The following SMC5 variants were observed in gnomAD, a reference collection of about 807,000 sequenced individuals.
SMC5 encodes structural maintenance of chromosomes 5.
SMC5 carries 88 observed loss-of-function variants against 148.3 expected under a neutral mutation model. The ratio of observed to expected loss-of-function variants is 0.59; its 90% CI spans 0.50 to 0.71. The LOEUF (loss-of-function observed/expected upper bound fraction) is 0.71, where lower values mean the gene tolerates loss of function less well. Ranked by LOEUF, SMC5 falls within the 30% of genes least tolerant of loss-of-function variation. The pLI, the probability that SMC5 is intolerant of heterozygous loss-of-function variation, is 0.00. For synonymous variants in SMC5, 421 were observed against 432.8 expected, an observed-to-expected ratio of 0.97 and a Z score of 0.34; for missense variants, 1,142 against 1,298.9, an observed-to-expected ratio of 0.88 and a Z score of 1.86.
intron 18 of SMC5, among the ~76,000 whole-genome samples, chr9:70,346,020 A>T (rs1348520254): frequency 6.6e-6 from 1 of 152,118 alleles, no homozygotes; most frequent in African/African-American, 2.4e-5. Context: ...GAACCCCTAA[A>T]TTTTTCACCT....
rs1440298345 is a variant in SMC5, at chr9:70,300,585, G to A, written c.1464+385G>A. 5.3e-5 allele frequency among the ~76,000 whole-genome samples: 8 copies of A among 152,110 alleles called. 1 individual carries two copies. The highest frequency in any genetic ancestry group is 1.7e-4 in the African/African-American group (7 of 41,506). ...TTAAAGGAAAAAAACTAAGAGAATAGGCAAGAAAATCACCTGCTACAAAGA... is the reference window on the plus strand; with the variant it reads ...TTAAAGGAAAAAAACTAAGAGAATAAGCAAGAAAATCACCTGCTACAAAGA... On this transcript the variant is annotated intron_variant, in intron 10 of 24. Coordinates refer to ENST00000361138, the MANE Select transcript of SMC5 (RefSeq NM_015110.4).
chr9:70,286,156 T>C (rs778878241), intron 7 of SMC5, 44 bp from the exon 8 acceptor site: 1 of 1,338,952 alleles, frequency 7.5e-7, no homozygotes, highest in East Asian at 2.3e-5. Context: ...CTTGCATGAG[T>C]TTTTAACTAG....
chr9:70,323,080 T>C (rs1372291741), intron 15 of SMC5, among the ~76,000 whole-genome samples: 2 of 152,174 alleles, frequency 1.3e-5, no homozygotes, highest in Admixed American at 6.5e-5. Context: ...GGCAACATGG[T>C]GTAGTGGAAA....
intron 17 of SMC5, among the ~76,000 whole-genome samples, chr9:70,343,214 G>A (rs2036570841): frequency 6.6e-6 from 1 of 151,810 alleles, no homozygotes; most frequent in Non-Finnish European, 1.5e-5. Flanking sequence ...GAAATAAAGG[G>A]AATAATGTAT....
At position 70,350,109 on chromosome 9, in the gene SMC5, T is replaced by C; in HGVS notation, c.2890-5T>C. 1 of 1,584,310 alleles carries C rather than the reference T, an allele frequency of 6.3e-7. No homozygotes were observed. Among genetic ancestry groups the C allele is most frequent in the Non-Finnish European group, 8.6e-7 (1 of 1,162,666 alleles). On this transcript the variant is annotated splice_polypyrimidine_tract_variant and splice_region_variant and intron_variant, in intron 22 of 24. Coordinates refer to ENST00000361138, the MANE Select transcript of SMC5 (RefSeq NM_015110.4). ...ATTTTTCATCACTTTTTAAATGTTTTATAGGAAGATTATGATAAATATGGA... is the reference window on the plus strand; with the variant it reads ...ATTTTTCATCACTTTTTAAATGTTTCATAGGAAGATTATGATAAATATGGA...
intron 14 of SMC5, 30 bp from the exon 15 acceptor site, chr9:70,318,764 A>C: frequency 1.9e-6 from 3 of 1,549,764 alleles, no homozygotes; most frequent in Non-Finnish European, 2.6e-6. Context: ...AGTTTTTTAA[A>C]TATGTTAACA....
chr9:70,351,907 C>A (rs1311490281), intron 24 of SMC5, among the ~76,000 whole-genome samples: 1 of 152,052 alleles, frequency 6.6e-6, no homozygotes, highest in Non-Finnish European at 1.5e-5. Context: ...GAAACCCTGT[C>A]TGTACTAAAA....
chr9:70,330,145 A>T (rs564436406), intron 17 of SMC5, among the ~76,000 whole-genome samples: 11 of 152,284 alleles, frequency 7.2e-5, no homozygotes, highest in African/African-American at 1.4e-4. Context: ...TAGTCTTATT[A>T]AAAAAATCAA....
At position 70,353,152 on chromosome 9, in the gene SMC5, TTTA is replaced by T. The variant is rs1415793859; in HGVS notation, c.*823_*825del. ...TTACATCTTACATTTCTAAAAGCAT[TTTA>T]TAATTATTTTTAGTAAGATTTTTCT... On this transcript the variant is annotated 3_prime_UTR_variant, in exon 25 of 25. Transcript: ENST00000361138. 1.3e-5 allele frequency: 2 copies of T among 152,098 alleles called. No individual in the cohort carries two copies. The highest frequency in any genetic ancestry group is 2.9e-5 in the Non-Finnish European group (2 of 67,990). 9.4% of individuals were successfully genotyped at this position (152,098 alleles called of 1,614,324 possible).
At chr9:70,327,197 G>T (rs560681215) in intron 17 of SMC5, among the ~76,000 whole-genome samples, 8 of 152,110 alleles carry the variant, frequency 5.3e-5, no homozygotes, top group Admixed American at 2.6e-4. Flanking sequence ...GCTGATTTCA[G>T]GTCCAGGAGA....
At position 70,264,353 on chromosome 9, in the gene SMC5, G is replaced by T; in HGVS notation, c.235G>T (p.Val79Phe). Residue 79 changes from valine to phenylalanine, a missense_variant, in exon 2 of 25, where the codon GTT becomes TTT. Val to Phe is a conservative substitution (Grantham distance 50). Coordinates refer to ENST00000361138, the MANE Select transcript of SMC5 (RefSeq NM_015110.4). The stretch of plus-strand genomic sequence containing the variant: ...TCCTGGACCCCACTTGAATATGATC[G>T]TTGGAGCCAATGGAACAGGGAAGTC... ...VSPGPHLNMIVGANGTGKSSI... is the reference protein window; with the variant it reads ...VSPGPHLNMIFGANGTGKSSI... 1 of 1,613,922 alleles carries T rather than the reference G, an allele frequency of 6.2e-7. No homozygotes were observed. Among genetic ancestry groups the T allele is most frequent in the Non-Finnish European group, 8.5e-7 (1 of 1,179,878 alleles).
chr9:70,270,020 C>T (rs1401880441), intron 3 of SMC5, among the ~76,000 whole-genome samples: 2 of 152,170 alleles, frequency 1.3e-5, no homozygotes, highest in Non-Finnish European at 2.9e-5. Flanking sequence ...TCCCCACACC[C>T]TGCAATTCAG....
chr9:70,334,649 A>ACAC (rs1286426673), intron 17 of SMC5, among the ~76,000 whole-genome samples: 4 of 151,990 alleles, frequency 2.6e-5, no homozygotes, highest in Non-Finnish European at 5.9e-5. Flanking sequence ...GTGTGTGTAT[A>ACAC]ATGTGACAGA....
chr9:70,318,983 G>A lies in SMC5; in HGVS notation c.2150+20G>A, dbSNP rs146029239. 4 of 1,584,774 alleles carry A rather than the reference G, an allele frequency of 2.5e-6. No individual in the cohort carries two copies. Among genetic ancestry groups the A allele is most frequent in the Admixed American group, 1.8e-5 (1 of 54,200 alleles). The stretch of plus-strand genomic sequence containing the variant: ...AGGAAGGTATCTTTTAGCCTATTCA[G>A]GGGGGAGAGCACAAATTACTGTATG... On this transcript the variant is annotated intron_variant, in intron 15 of 24. Transcript: ENST00000361138.
chr9:70,338,839 ACT>A (rs900715710), intron 17 of SMC5, among the ~76,000 whole-genome samples: 7 of 151,560 alleles, frequency 4.6e-5, no homozygotes, highest in Admixed American at 3.9e-4. Flanking sequence ...ATTTTACACC[ACT>A]CTGTTTTTCT....
At chr9:70,299,694 C>G (rs1564041619) in intron 9 of SMC5, among the ~76,000 whole-genome samples, 1 of 149,724 alleles carries the variant, frequency 6.7e-6, no homozygotes, top group African/African-American at 2.5e-5. Context: ...ATATACAATT[C>G]TAGAATGAAA....
chr9:70,344,557 CA>C (rs2036615885), intron 18 of SMC5: 1 of 157,844 alleles, frequency 6.3e-6, no homozygotes, highest in Admixed American at 6.5e-5. Flanking sequence ...ATTGGTATAT[CA>C]GAAATAATAA....
chr9:70,267,447 G>C (rs1197645347), intron 2 of SMC5, among the ~76,000 whole-genome samples: 1 of 152,056 alleles, frequency 6.6e-6, no homozygotes, highest in Non-Finnish European at 1.5e-5. Context: ...TAACAGGATA[G>C]GTAATATTAG....
intron 17 of SMC5, among the ~76,000 whole-genome samples, chr9:70,336,916 A>C (rs564193416): frequency 1.3e-5 from 2 of 152,228 alleles, no homozygotes; most frequent in Non-Finnish European, 2.9e-5. Context: ...ACAGTTCCAT[A>C]TGGCTGGGGA....
Sources: gnomAD v4.1 joint callset for allele counts (sites outside exome capture counted in the v4.1 genomes callset) on GRCh38, gnomAD v4.1.1 for gene constraint, MANE v1.5 for transcripts, NCBI Gene and HGNC (gene_info 2026-07-23, HGNC 2026-07-21) for gene names.